Variants in MAPT observed in about 807,000 individuals in gnomAD.
MAPT encodes the protein microtubule-associated protein tau.
MAPT carries 34 observed loss-of-function variants against 67.9 expected under a neutral mutation model. The observed-to-expected ratio is 0.50, with a 90% CI of 0.38 to 0.67. The LOEUF (loss-of-function observed/expected upper bound fraction) is 0.67. Among genes scored for constraint, MAPT ranks in the 30% least tolerant of loss-of-function variants. MAPT has a pLI of 0.00. For synonymous variants in MAPT, 456 were observed against 464.5 expected, an observed-to-expected ratio of 0.98 and a Z score of 0.23; for missense variants, 881 against 1,115.2, an observed-to-expected ratio of 0.79 and a Z score of 2.99.
intron 1 of MAPT, among the ~76,000 whole-genome samples, chr17:45,927,997 C>T (rs2066508728): frequency 9.9e-6 from 1 of 101,444 alleles, no homozygotes; most frequent in African/African-American, 3.6e-5. Flanking sequence ...GAGACTCCGT[C>T]TCAGGAAAAA....
chr17:45,963,790 G>T (rs1244023620), intron 2 of MAPT, among the ~76,000 whole-genome samples: 4 of 152,156 alleles, frequency 2.6e-5, no homozygotes, highest in Non-Finnish European at 5.9e-5. Context: ...GGGACCACCA[G>T]CTTTCTCGCA....
chr17:46,016,951 C>T (rs2076221573), intron 11 of MAPT, among the ~76,000 whole-genome samples: 1 of 152,200 alleles, frequency 6.6e-6, no homozygotes, highest in African/African-American at 2.4e-5. Flanking sequence ...TAGATTCTGT[C>T]ACCCCACCCC....
At chr17:46,012,307 G>A (rs955816228) in intron 10 of MAPT, among the ~76,000 whole-genome samples, 4 of 152,152 alleles carry the variant, frequency 2.6e-5, no homozygotes, top group South Asian at 2.1e-4. Flanking sequence ...GGGCCCGCCC[G>A]TGTGTCCCGC....
intron 9 of MAPT, among the ~76,000 whole-genome samples, chr17:45,997,380 G>T (rs963207251): frequency 6.6e-6 from 1 of 152,202 alleles, no homozygotes; most frequent in Non-Finnish European, 1.5e-5. Context: ...CTCTGTGGCC[G>T]TGGGTAGCCA....
intron 1 of MAPT, among the ~76,000 whole-genome samples, chr17:45,935,080 TATCCAA>T (rs2144767373): frequency 6.6e-6 from 1 of 152,294 alleles, no homozygotes; most frequent in South Asian, 2.1e-4. Context: ...AGGGCTGCTA[TATCCAA>T]GAGCCCCTCA....
At position 46,016,520 on chromosome 17, in the gene MAPT, G is replaced by A. The variant is rs150955945; in HGVS notation, c.2174-2098G>A. Among the ~76,000 whole-genome samples, 437 of 152,150 alleles carry A rather than the reference G, an allele frequency of 2.9e-3. 1 individual carries two copies. The highest frequency in any genetic ancestry group is 9.9e-3 in the African/African-American group (412 of 41,500). Reference sequence around the variant, plus strand: ...GGCGCGGTGGCTCATGCCTGTAATCGCAGCACTTTGGGAGGCCAAGGCAGG... The same window carrying A: ...GGCGCGGTGGCTCATGCCTGTAATCACAGCACTTTGGGAGGCCAAGGCAGG... On this transcript the variant is annotated intron_variant, in intron 11 of 12. Coordinates refer to ENST00000262410, the MANE Select transcript of MAPT (RefSeq NM_001377265.1).
intron 6 of MAPT, among the ~76,000 whole-genome samples, chr17:45,988,873 A>T (rs1183725340): frequency 6.6e-6 from 1 of 151,346 alleles, no homozygotes; most frequent in Non-Finnish European, 1.5e-5. Context: ...CAACAGAGGG[A>T]GACCCTGTCT....
chr17:45,944,063 C>T (rs910027647), intron 1 of MAPT, among the ~76,000 whole-genome samples: 1 of 152,222 alleles, frequency 6.6e-6, no homozygotes, highest in Non-Finnish European at 1.5e-5. Context: ...TCCACTCACA[C>T]GTCATGACTT....
intron 1 of MAPT, among the ~76,000 whole-genome samples, chr17:45,940,679 C>A (rs1183933830): frequency 6.6e-6 from 1 of 152,116 alleles, no homozygotes; most frequent in Non-Finnish European, 1.5e-5. Flanking sequence ...GAAGAACTGG[C>A]ATGTTCTGTG....
intron 12 of MAPT, 71 bp downstream of exon 12, chr17:46,018,801 G>T (rs1483715530): frequency 6.3e-6 from 7 of 1,119,116 alleles, no homozygotes; most frequent in South Asian, 1.2e-5. Flanking sequence ...GTGGACAAAG[G>T]CTGGTCCAGT....
intron 1 of MAPT, among the ~76,000 whole-genome samples, chr17:45,956,565 TA>T (rs1568230458): frequency 0.22 from 4,324 of 19,294 alleles, 168 homozygotes; most frequent in South Asian, 0.36. Context: ...TATATATATA[TA>T]TATATATATA....
intron 1 of MAPT, among the ~76,000 whole-genome samples, chr17:45,937,400 C>A (rs947104678): frequency 6.6e-6 from 1 of 151,998 alleles, no homozygotes; most frequent in African/African-American, 2.4e-5. Flanking sequence ...CCAGCCTGGG[C>A]AATGTAGCAA....
chr17:45,996,811 C>T lies in MAPT; in HGVS notation c.1998+147C>T, dbSNP rs190722319. ...CATGGAGGTGTGGGGCTCCCCGCAC[C>T]TGAGCACCCCCGCATAACACCCCAG... On this transcript the variant is annotated intron_variant, in intron 9 of 12. Transcript: ENST00000262410. The surrounding 1 kb of genome is among the most constrained non-coding windows in gnomAD (Gnocchi z 4.5). 1,454 of 1,120,166 alleles carry T rather than the reference C, an allele frequency of 1.3e-3. 10 individuals carry two copies. In the African/African-American group the frequency reaches 0.018, roughly 14 times the overall value. 69.4% of individuals were successfully genotyped at this position (1,120,166 alleles called of 1,614,324 possible). A position where few individuals can be genotyped will look rare whatever the true frequency, so the allele number is the denominator to read the frequency against.
At chr17:45,917,897 C>T (rs1331570570) in intron 1 of MAPT, among the ~76,000 whole-genome samples, 1 of 152,128 alleles carries the variant, frequency 6.6e-6, no homozygotes, top group Non-Finnish European at 1.5e-5. Context: ...TCTCGGCCTC[C>T]CGAGCAGCAA....
At chr17:45,947,679 C>T (rs62062790) in intron 1 of MAPT, among the ~76,000 whole-genome samples, 21,818 of 151,996 alleles carry the variant, frequency 0.14, 2,137 homozygotes, top group Non-Finnish European at 0.22. Context: ...TGAGCCACCG[C>T]GCCTGGCCTT....
At chr17:45,970,684 G>T (rs762138512) in intron 2 of MAPT, among the ~76,000 whole-genome samples, 1 of 152,232 alleles carries the variant, frequency 6.6e-6, no homozygotes, top group Non-Finnish European at 1.5e-5. Context: ...AGGAAACGGA[G>T]GCCCTGAGAG....
intron 1 of MAPT, among the ~76,000 whole-genome samples, chr17:45,959,152 TCA>T (rs1427414238): frequency 1.3e-5 from 2 of 152,200 alleles, no homozygotes; most frequent in Non-Finnish European, 2.9e-5. Flanking sequence ...ACTTTTAGGT[TCA>T]CAGTGAAACT....
intron 2 of MAPT, among the ~76,000 whole-genome samples, chr17:45,970,775 C>G (rs2071580699): frequency 2.0e-5 from 3 of 152,238 alleles, no homozygotes; most frequent in African/African-American, 2.4e-5. Flanking sequence ...CCCATGCTCT[C>G]TAGCCTGTAA....
At position 45,906,931 on chromosome 17, in the gene MAPT, TATC is replaced by T. The variant is rs1024688900; in HGVS notation, c.-18+12249_-18+12251del. 2.6e-5 allele frequency among the ~76,000 whole-genome samples: 4 copies of T among 152,160 alleles called. No homozygotes were observed. The highest frequency in any genetic ancestry group is 9.7e-5 in the African/African-American group (4 of 41,432). ...CCAGCGATAAAATGATTTTAGACCT[TATC>T]ATCTCACCCTCGGATCCTTATGGAA... On this transcript the variant is annotated intron_variant, in intron 1 of 12. Coordinates refer to ENST00000262410, the MANE Select transcript of MAPT (RefSeq NM_001377265.1). The surrounding 1 kb of genome is among the most constrained non-coding windows in gnomAD (Gnocchi z 4.3).
Sources: gnomAD v4.1 joint callset for allele counts (sites outside exome capture counted in the v4.1 genomes callset) on GRCh38, gnomAD v4.1.1 for gene constraint, Gnocchi (gnomAD v3.1) non-coding constraint, MANE v1.5 for transcripts, NCBI Gene and HGNC (gene_info 2026-07-23, HGNC 2026-07-21) for gene names.